The following PLA2R1 variants were observed in gnomAD, a reference collection of about 807,000 sequenced individuals.
PLA2R1 encodes phospholipase A2 receptor 1.
A neutral mutation model predicts 195.9 loss-of-function variants in PLA2R1; 158 were observed. That is an observed-to-expected ratio of 0.81 (90% CI 0.71 to 0.92). The LOEUF (loss-of-function observed/expected upper bound fraction) is 0.92. Among genes scored for constraint, PLA2R1 ranks in the 40% least tolerant of loss-of-function variants. The pLI is 0.00. For missense variants in PLA2R1, 1,626 were observed against 1,764.6 expected (o/e 0.92, Z 1.41); for synonymous variants, 586 against 598.2 (o/e 0.98, Z 0.30).
At chr2:160,052,209 G>C (rs191504880) in intron 1 of PLA2R1, among the ~76,000 whole-genome samples, 1 of 152,274 alleles carries the variant, frequency 6.6e-6, no homozygotes, top group Admixed American at 6.5e-5. Flanking sequence ...TCTCACATGA[G>C]GGAAAAATGA....
At chr2:159,966,289 A>T (rs1160395021) in intron 20 of PLA2R1, among the ~76,000 whole-genome samples, 3 of 152,224 alleles carry the variant, frequency 2.0e-5, no homozygotes, top group African/African-American at 7.2e-5. Flanking sequence ...GCCAGTCACA[A>T]AAAGGCAAAT....
chr2:159,980,597 G>A (rs1429272274), intron 13 of PLA2R1, among the ~76,000 whole-genome samples: 2 of 152,064 alleles, frequency 1.3e-5, no homozygotes, highest in Non-Finnish European at 2.9e-5. Context: ...CTGAGCCATG[G>A]TTCATTAACT....
Position 159,934,910 on chromosome 2 carries a change from T to C in PLA2R1, c.*6868A>G, listed in dbSNP as rs1017253212. 2 of 152,242 alleles carry C rather than the reference T, an allele frequency of 1.3e-5. No homozygotes were observed. The highest frequency in any genetic ancestry group is 4.8e-5 in the African/African-American group (2 of 41,460). The allele number at this position is 152,242 out of a possible 1,614,324, so 9.4% of individuals were successfully genotyped here. ...GACCATTTTCTGTTCCATGATCCAT[T>C]TGAGGATTTCAACTTGCACGTAGTT... On this transcript the variant is annotated 3_prime_UTR_variant, in exon 30 of 30. Coordinates refer to ENST00000283243, the MANE Select transcript of PLA2R1 (RefSeq NM_007366.5).
intron 11 of PLA2R1, among the ~76,000 whole-genome samples, chr2:159,998,804 A>C (rs1466261367): frequency 6.6e-6 from 1 of 152,136 alleles, no homozygotes; most frequent in African/African-American, 2.4e-5. Context: ...AGACATTTTC[A>C]ATCCCAGGTG....
In PLA2R1 at chr2:160,022,693, C is replaced by T. The variant is rs911335050; in HGVS notation, c.1266G>A (p.Val422=). 6.2e-7 allele frequency: 1 copy of T among 1,603,882 alleles called. No homozygotes were observed. The highest frequency in any genetic ancestry group is 8.5e-7 in the Non-Finnish European group (1 of 1,174,218). ...CTCCAAGGAGGGTTACAAGAAACTC[C>T]ACCTCTGCTAATGAGGTTATGTCTA... ...ALIDITSLAE[V]EFLVTLLGDE... The change falls in exon 7 of 30, where the codon GTG becomes GTA. Residue 422 remains valine (V), a synonymous_variant. Coordinates refer to ENST00000283243, the MANE Select transcript of PLA2R1 (RefSeq NM_007366.5).
At position 160,033,023 on chromosome 2, in the gene PLA2R1, T is replaced by G. The variant is rs780754092; in HGVS notation, c.777A>C (p.Ser259=). The G allele has an allele frequency of 1.1e-5, 17 of 1,613,540 alleles. No homozygotes were observed. The highest frequency in any genetic ancestry group is 1.3e-5 in the Non-Finnish European group (15 of 1,179,704). The part of the protein sequence containing the change: ...SSLSWSEAHS[S]CQMQGGTLLS... ...ACAGCGTACCTCCTTGCATCTGGCA[T>G]GAAGAATGTGCCTCACTCCAAGAGA... Residue 259 remains serine, a synonymous_variant, in exon 4 of 30, where the codon TCA becomes TCC. Coordinates refer to ENST00000283243, the MANE Select transcript of PLA2R1 (RefSeq NM_007366.5).
chr2:159,965,062 G>C (rs567327088), intron 20 of PLA2R1, among the ~76,000 whole-genome samples: 1 of 152,022 alleles, frequency 6.6e-6, no homozygotes, highest in Non-Finnish European at 1.5e-5. Context: ...TTTCCCACCT[G>C]ATCCACACAT....
intron 3 of PLA2R1, among the ~76,000 whole-genome samples, chr2:160,038,774 T>A (rs1694329826): frequency 1.3e-5 from 2 of 151,968 alleles, no homozygotes; most frequent in Admixed American, 6.6e-5. Flanking sequence ...GACAGAAACA[T>A]ATAGCATTGC....
chr2:160,031,255 G>A (rs566549140), intron 4 of PLA2R1, among the ~76,000 whole-genome samples: 3 of 152,294 alleles, frequency 2.0e-5, no homozygotes, highest in African/African-American at 4.8e-5. Flanking sequence ...AAAGGTTTGT[G>A]CAGGGATGGT....
At chr2:160,055,774 G>C (rs1258511882) in intron 1 of PLA2R1, among the ~76,000 whole-genome samples, 1 of 152,126 alleles carries the variant, frequency 6.6e-6, no homozygotes, top group Admixed American at 6.5e-5. Flanking sequence ...GAGACAATGT[G>C]TCGATGTAAA....
At chr2:160,050,992 G>A (rs997544360) in intron 1 of PLA2R1, among the ~76,000 whole-genome samples, 2 of 152,184 alleles carry the variant, frequency 1.3e-5, no homozygotes, top group African/African-American at 4.8e-5. Context: ...CTAGCTGAGT[G>A]AAGGTTTGAA....
At chr2:160,030,639 C>G (rs914079957) in intron 4 of PLA2R1, among the ~76,000 whole-genome samples, 2 of 152,130 alleles carry the variant, frequency 1.3e-5, no homozygotes, top group Non-Finnish European at 2.9e-5. Context: ...AGCTGGCCCA[C>G]GATACTGTAA....
chr2:160,052,951 C>A (rs1243944472), intron 1 of PLA2R1, among the ~76,000 whole-genome samples: 2 of 152,072 alleles, frequency 1.3e-5, no homozygotes, highest in South Asian at 4.2e-4. Context: ...AAACAAACAA[C>A]TTTTAGTGGT....
At chr2:160,039,891 TTG>T (rs1694415304) in intron 3 of PLA2R1, among the ~76,000 whole-genome samples, 1 of 151,164 alleles carries the variant, frequency 6.6e-6, no homozygotes, top group African/African-American at 2.4e-5. Context: ...GAAACTGTCA[TTG>T]GAAGTTTCCC....
rs1690414952 is a variant in PLA2R1, at chr2:159,987,255, T to G, written c.1938A>C (p.Pro646=). 2 of 1,613,594 alleles carry G rather than the reference T, an allele frequency of 1.2e-6. No homozygotes were observed. The highest frequency in any genetic ancestry group is 1.7e-6 in the Non-Finnish European group (2 of 1,179,922). Residue 646 remains proline (P), a synonymous_variant, in exon 12 of 30, where the codon CCA becomes CCC. Coordinates refer to ENST00000283243, the MANE Select transcript of PLA2R1 (RefSeq NM_007366.5). ...ACTCTGCTTTTTCCTGATTTTCAACTGGCTGCTTGCACAAGGACATTGCCT... is the reference window on the plus strand; with the variant it reads ...ACTCTGCTTTTTCCTGATTTTCAACGGGCTGCTTGCACAAGGACATTGCCT... ...HFKAMSLCKQ[P]VENQEKAEYE...
At chr2:160,056,187 A>G (rs1045979131) in intron 1 of PLA2R1, among the ~76,000 whole-genome samples, 1 of 144,894 alleles carries the variant, frequency 6.9e-6, no homozygotes, top group Non-Finnish European at 1.5e-5. Context: ...AGACAAAACG[A>G]AACAGAATGG....
rs1244010560 is a variant in PLA2R1, at chr2:160,033,084, G to C, written c.716C>G (p.Ser239Ter). The C allele has an allele frequency of 6.2e-7, 1 of 1,613,246 alleles. No individual in the cohort carries two copies. Among genetic ancestry groups the C allele is most frequent in the Admixed American group, 1.7e-5 (1 of 59,870 alleles). ...CAGGTTGAACTGGTAGCAAATGTGT[G>C]AATTGAGGTCCTTCTCCCAAATAGT... ...CDTIWEKDLN[S>*]HICYQFNLLS... Residue 239 changes from serine to a stop codon, truncating the protein, a stop_gained, in exon 4 of 30, where the codon TCA becomes TGA. Coordinates refer to ENST00000283243, the MANE Select transcript of PLA2R1 (RefSeq NM_007366.5). LOFTEE classifies it high-confidence loss of function.
rs1210316868 is a variant in PLA2R1, at chr2:159,976,055, T to G, written c.2595+13A>C. On this transcript the variant is annotated intron_variant, in intron 17 of 29. Coordinates refer to ENST00000283243, the MANE Select transcript of PLA2R1 (RefSeq NM_007366.5). ...AAACTCTGAATTTTTCGTGGTGAGT[T>G]ATGTTCAAGTACCGCTTTTATTTTG... 1.2e-6 allele frequency: 2 copies of G among 1,607,910 alleles called. No individual in the cohort carries two copies. The highest frequency in any genetic ancestry group is 1.7e-6 in the Non-Finnish European group (2 of 1,176,136).
At chr2:159,964,599 C>T (rs964830543) in intron 20 of PLA2R1, among the ~76,000 whole-genome samples, 8 of 152,036 alleles carry the variant, frequency 5.3e-5, no homozygotes, top group Non-Finnish European at 8.8e-5. Flanking sequence ...TAGTGTACCT[C>T]ATTACTATAG....
Sources: allele counts gnomAD v4.1 joint callset (sites outside exome capture counted in the v4.1 genomes callset), GRCh38; gene constraint gnomAD v4.1.1; transcripts MANE v1.5; gene names NCBI Gene and HGNC (gene_info 2026-07-23, HGNC 2026-07-21).